The following SBF2 variants were observed in gnomAD, a reference collection of about 807,000 sequenced individuals.
The protein encoded by SBF2 is SET binding factor 2.
Under a neutral mutation model 225.2 loss-of-function variants are expected in SBF2, and 112 were observed. The ratio of observed to expected loss-of-function variants is 0.50; its 90% CI spans 0.43 to 0.58. SBF2 has a LOEUF of 0.58. SBF2 is among the 20% of genes least tolerant of loss of function. The pLI is 0.00. For missense variants in SBF2, 1,996 were observed against 2,206.2 expected, an observed-to-expected ratio of 0.90 and a Z score of 1.91; for synonymous variants, 763 against 773.3, an observed-to-expected ratio of 0.99 and a Z score of 0.22.
intron 17 of SBF2, among the ~76,000 whole-genome samples, chr11:9,880,564 G>A (rs11042524): frequency 0.55 from 83,552 of 151,878 alleles, 23,352 homozygotes; most frequent in African/African-American, 0.63. Flanking sequence ...CCTCATCAGT[G>A]CTTGTCTATT....
chr11:10,029,881 A>G lies in SBF2; in HGVS notation c.403-6T>C, dbSNP rs1277207028. ...TAGATCAAACCCAGGCAAGCCTGCA[A>G]AAAGATAAATACATGTAATTATTTC... On this transcript the variant is annotated splice_polypyrimidine_tract_variant and splice_region_variant and intron_variant, in intron 4 of 39. Coordinates refer to ENST00000256190, the MANE Select transcript of SBF2 (RefSeq NM_030962.4). The G allele has an allele frequency of 6.4e-7, 1 of 1,562,998 alleles. No individual in the cohort carries two copies. Among genetic ancestry groups the G allele is most frequent in the Non-Finnish European group, 8.8e-7 (1 of 1,133,674 alleles).
chr11:9,790,014 A>AG (rs1225901151), intron 34 of SBF2, among the ~76,000 whole-genome samples: 1 of 152,188 alleles, frequency 6.6e-6, no homozygotes, highest in Non-Finnish European at 1.5e-5. Context: ...GGCCCAGGGG[A>AG]GGGGCCTCTC....
chr11:9,933,002 C>T (rs1302518084), intron 16 of SBF2, among the ~76,000 whole-genome samples: 1 of 141,344 alleles, frequency 7.1e-6, no homozygotes, highest in Admixed American at 7.1e-5. Context: ...TGTTGCAATC[C>T]TCAATCCTAG....
chr11:10,048,375 T>G (rs181775669), intron 2 of SBF2, among the ~76,000 whole-genome samples: 173 of 152,356 alleles, frequency 1.1e-3, no homozygotes, highest in Non-Finnish European at 2.0e-3. Context: ...GTTTCTTTAC[T>G]GTGAGTAAAA....
At position 10,219,790 on chromosome 11, in the gene SBF2, C is replaced by T. The variant is rs573357184; in HGVS notation, c.56-25803G>A. On this transcript the variant is annotated intron_variant, in intron 1 of 39. Coordinates refer to ENST00000256190, the MANE Select transcript of SBF2 (RefSeq NM_030962.4). The stretch of plus-strand genomic sequence containing the variant: ...GAGTGACCTTTACTCCAGTTCCCAA[C>T]AAGTTTCTCATCTCCATCTGAGACC... Among the ~76,000 whole-genome samples, 6 of 152,290 alleles carry T rather than the reference C, an allele frequency of 3.9e-5. No individual in the cohort carries two copies. The South Asian group carries it at 8.3e-4, about 21-fold the overall frequency.
At chr11:10,254,589 T>C (rs1294946080) in intron 1 of SBF2, among the ~76,000 whole-genome samples, 5 of 150,792 alleles carry the variant, frequency 3.3e-5, no homozygotes, top group Non-Finnish European at 5.9e-5. Context: ...ACATACACAA[T>C]TGAATACTAT....
At chr11:10,159,553 T>C (rs113925362) in intron 2 of SBF2, among the ~76,000 whole-genome samples, 11,556 of 152,202 alleles carry the variant, frequency 0.076, 623 homozygotes, top group East Asian at 0.28. Context: ...ATGATTTCAT[T>C]CCTGACCAAT....
intron 16 of SBF2, among the ~76,000 whole-genome samples, chr11:9,934,544 G>C (rs1365421432): frequency 6.6e-6 from 1 of 152,206 alleles, no homozygotes; most frequent in Admixed American, 6.5e-5. Flanking sequence ...GAACATCAAT[G>C]TGAAAATCCT....
At chr11:10,134,333 T>TAA (rs1954245890) in intron 2 of SBF2, among the ~76,000 whole-genome samples, 1 of 151,948 alleles carries the variant, frequency 6.6e-6, no homozygotes, top group African/African-American at 2.4e-5. Context: ...AAAATTAGGG[T>TAA]GGGGACACAG....
At position 9,785,883 on chromosome 11, in the gene SBF2, T is replaced by C. The variant is rs992912235; in HGVS notation, c.5038-565A>G. Among the ~76,000 whole-genome samples the C allele has an allele frequency of 4.4e-3, 663 of 152,148 alleles. 5 individuals are homozygous for C. The highest frequency in any genetic ancestry group is 0.015 in the African/African-American group (633 of 41,544). On this transcript the variant is annotated intron_variant, in intron 36 of 39. Transcript: ENST00000256190. ...AATAAAGATGTTGATGGTTTTTTTT[T>C]TGAGACAGGGTCTCACTCTATCGCC...
chr11:9,786,816 G>A (rs1852403415), intron 36 of SBF2, among the ~76,000 whole-genome samples: 1 of 152,218 alleles, frequency 6.6e-6, no homozygotes, highest in Non-Finnish European at 1.5e-5. Flanking sequence ...CATATTATGT[G>A]CTTGATAAAT....
chr11:10,064,163 T>C (rs1233968183), intron 2 of SBF2, among the ~76,000 whole-genome samples: 1 of 152,102 alleles, frequency 6.6e-6, no homozygotes, highest in Non-Finnish European at 1.5e-5. Flanking sequence ...TATATAAAAC[T>C]ACAATATATG....
At position 9,812,619 on chromosome 11, in the gene SBF2, C is replaced by T. The variant is rs1429589073; in HGVS notation, c.4068G>A (p.Leu1356=). The change falls in exon 30 of 40, where the codon CTG becomes CTA. Residue 1356 remains leucine (L), a synonymous_variant. Transcript: ENST00000256190. ...TGGTGCTTGGGATACAAGCCCTCAT[C>T]AGCTTCTTAAAACTGGCTTTCACTT... ...IRQVKASFKK[L]MRACIPSTIP... is the part of the protein sequence containing the mutation. 2 of 1,614,188 alleles carry T rather than the reference C, an allele frequency of 1.2e-6. No individual in the cohort carries two copies. The highest frequency in any genetic ancestry group is 1.7e-6 in the Non-Finnish European group (2 of 1,180,028).
intron 16 of SBF2, among the ~76,000 whole-genome samples, chr11:9,922,323 G>A (rs1031102271): frequency 6.6e-6 from 1 of 152,124 alleles, no homozygotes; most frequent in East Asian, 1.9e-4. Context: ...TAGCTGGACT[G>A]GAAGATGAAT....
chr11:9,938,470 A>C (rs1274999585), intron 16 of SBF2, among the ~76,000 whole-genome samples: 1 of 140,686 alleles, frequency 7.1e-6, no homozygotes, highest in Non-Finnish European at 1.6e-5. Context: ...TAAAAAGTAC[A>C]AAAAAAAAAA....
At chr11:10,091,877 T>C (rs1212213089) in intron 2 of SBF2, among the ~76,000 whole-genome samples, 1 of 152,218 alleles carries the variant, frequency 6.6e-6, no homozygotes, top group Non-Finnish European at 1.5e-5. Flanking sequence ...TCTTGGTAGA[T>C]TTCTAGGAGT....
In SBF2 at chr11:9,921,060, ACTT is replaced by A. The variant is rs1275721882; in HGVS notation, c.1861-25052_1861-25050del. ...TGATATGCATCAGTATGACCTGAAAACTTCTTTTTTTTTTTTTTTTTTTTTTGG... is the reference window on the plus strand; with the variant it reads ...TGATATGCATCAGTATGACCTGAAAACTTTTTTTTTTTTTTTTTTTTTTGG... On this transcript the variant is annotated intron_variant, in intron 16 of 39. Transcript: ENST00000256190. 3.7e-5 allele frequency among the ~76,000 whole-genome samples: 5 copies of A among 134,476 alleles called. No individual in the cohort carries two copies. In the South Asian group the frequency reaches 1.2e-3, roughly 32 times the overall value. 88.2% of individuals were successfully genotyped at this position (134,476 alleles called of 152,430 possible). A position where few individuals can be genotyped will look rare whatever the true frequency, so the allele number is the denominator to read the frequency against.
Position 10,110,045 on chromosome 11 carries a change from A to G in SBF2, c.142-67064T>C, listed in dbSNP as rs568699460. On this transcript the variant is annotated intron_variant, in intron 2 of 39. Coordinates refer to ENST00000256190, the MANE Select transcript of SBF2 (RefSeq NM_030962.4). ...CTAATCTTGACACTGAATTTGGATCATCTCCATGGAGGAAATCCATGAACC... is the reference window on the plus strand; with the variant it reads ...CTAATCTTGACACTGAATTTGGATCGTCTCCATGGAGGAAATCCATGAACC... Among the ~76,000 whole-genome samples, 10 of 152,358 alleles carry G rather than the reference A, an allele frequency of 6.6e-5. No homozygotes were observed. In the South Asian group the frequency reaches 2.1e-3, roughly 32 times the overall value.
chr11:10,161,184 CAAAAAAA>C (rs56779207), intron 2 of SBF2, among the ~76,000 whole-genome samples: 4 of 75,348 alleles, frequency 5.3e-5, no homozygotes, highest in African/African-American at 1.6e-4. Flanking sequence ...GACTCTGTCT[CAAAAAAA>C]AAAAAAAAAA....
Sources: allele counts gnomAD v4.1 joint callset (sites outside exome capture counted in the v4.1 genomes callset), GRCh38; gene constraint gnomAD v4.1.1; transcripts MANE v1.5; gene names NCBI Gene and HGNC (gene_info 2026-07-23, HGNC 2026-07-21).